The following CHAF1A variants were observed in gnomAD, a reference collection of about 807,000 sequenced individuals.
CHAF1A encodes chromatin assembly factor 1 subunit A, also known as CAF-1 subunit A.
In CHAF1A, 5 loss-of-function variants were observed where a neutral mutation model predicts 93.2. That is an observed-to-expected ratio of 0.05 (90% CI 0.03 to 0.11). CHAF1A has a LOEUF of 0.11. CHAF1A is among the 10% of genes least tolerant of loss of function. The pLI is 1.00. For synonymous variants in CHAF1A, 504 were observed against 510.3 expected (o/e 0.99, Z 0.17); for missense variants, 1,102 against 1,259.9 (o/e 0.87, Z 1.90).
In CHAF1A at chr19:4,409,374, G is replaced by A. The variant is rs769503119; in HGVS notation, c.575G>A (p.Gly192Asp). Residue 192 changes from glycine (G) to aspartate (D), a missense_variant, in exon 3 of 15, where the codon GGT becomes GAT. Gly to Asp is a moderately conservative substitution (Grantham distance 94). Coordinates refer to ENST00000301280, the MANE Select transcript of CHAF1A (RefSeq NM_005483.3). Reference sequence around the variant, plus strand: ...GAGGAGGAGGGTGTTGGCTGTGGAGGTGCAGGGAGGAGAGGCGACTCCCAG... The same window carrying A: ...GAGGAGGAGGGTGTTGGCTGTGGAGATGCAGGGAGGAGAGGCGACTCCCAG... ...KTEEEGVGCG[G>D]AGRRGDSQEC... 7 of 1,614,038 alleles carry A rather than the reference G, an allele frequency of 4.3e-6. No homozygotes were observed. Among genetic ancestry groups the A allele is most frequent in the Non-Finnish European group, 5.9e-6 (7 of 1,180,030 alleles).
chr19:4,443,347 C>CG lies in CHAF1A; in HGVS notation c.*325dup, dbSNP rs567465583. ...AGGACCACCCGCCTGGCCACGTGCG[C>CG]GGGCCCCTGGACCTAACGAGGCAGT... On this transcript the variant is annotated 3_prime_UTR_variant, in exon 15 of 15. Coordinates refer to ENST00000301280, the MANE Select transcript of CHAF1A (RefSeq NM_005483.3). 8.9e-4 allele frequency: 309 copies of CG among 349,048 alleles called. No homozygotes were observed. Among genetic ancestry groups the CG allele is most frequent in the African/African-American group, 6.3e-3 (294 of 46,974 alleles). The allele number at this position is 349,048 out of a possible 1,614,324, so 21.6% of individuals were successfully genotyped here.
chr19:4,449,611 C>G (rs1167030841), downstream of CHAF1A: 1 of 152,256 alleles, frequency 6.6e-6, no homozygotes, highest in African/African-American at 2.4e-5. Context: ...CGTGTCAGCT[C>G]CAAAAGCGGG....
At chr19:4,440,184 G>A (rs1157784757) in intron 13 of CHAF1A, among the ~76,000 whole-genome samples, 1 of 152,178 alleles carries the variant, frequency 6.6e-6, no homozygotes, top group Admixed American at 6.5e-5. Context: ...ACTGAAATAA[G>A]TGTGGCTGTC....
chr19:4,433,463 C>G lies in CHAF1A; in HGVS notation c.2597C>G (p.Pro866Arg), dbSNP rs573496948. ...TCCACGGGGCCCAGCCAGGGCACTC[C>G]CATCTCGCTGAAGAGGAAGTCAGCG... Reference protein sequence around the residue: ...VPSTGPSQGTPISLKRKSAGS... With the variant: ...VPSTGPSQGTRISLKRKSAGS... The change falls in exon 13 of 15, where the codon CCC becomes CGC. Residue 866 changes from proline to arginine, a missense_variant. Coordinates refer to ENST00000301280, the MANE Select transcript of CHAF1A (RefSeq NM_005483.3). This position sits in a 1 kb window ranked among gnomAD's most constrained non-coding sequence, Gnocchi z 5.6. 67 of 1,602,102 alleles carry G rather than the reference C, an allele frequency of 4.2e-5. 2 individuals are homozygous for G. In the South Asian group the frequency reaches 6.9e-4, roughly 17 times the overall value.
In CHAF1A at chr19:4,429,566, C is replaced by A. The variant is rs748820542; in HGVS notation, c.1733C>A (p.Thr578Lys). Residue 578 changes from threonine (T) to lysine (K), a missense_variant, in exon 9 of 15, where the codon ACG (threonine) becomes AAG (lysine). Transcript: ENST00000301280. The stretch of plus-strand genomic sequence containing the variant: ...TACTGGGGTACCTGGAATAAGAAGA[C>A]GGCACTCATCCGCGCGCGAGACCCC... ...PAYWGTWNKKTALIRARDPWA... is the reference protein window; with the variant it reads ...PAYWGTWNKKKALIRARDPWA... The A allele has an allele frequency of 1.9e-6, 3 of 1,614,044 alleles. No homozygotes were observed. The highest frequency in any genetic ancestry group is 2.2e-5 in the East Asian group (1 of 44,872).
At chr19:4,420,269 G>C (rs1973968038) in intron 4 of CHAF1A, among the ~76,000 whole-genome samples, 1 of 151,412 alleles carries the variant, frequency 6.6e-6, no homozygotes, top group Admixed American at 6.6e-5. Flanking sequence ...TTTTGAGACA[G>C]TCTCGCTCTG....
downstream of CHAF1A, chr19:4,448,242 G>C (rs945913861): frequency 2.2e-6 from 3 of 1,337,148 alleles, no homozygotes; most frequent in African/African-American, 1.4e-5. Flanking sequence ...GGGGCCAGAG[G>C]GGGTGACAGC....
intron 7 of CHAF1A, among the ~76,000 whole-genome samples, chr19:4,424,605 C>T (rs1332062938): frequency 2.6e-5 from 4 of 152,060 alleles, no homozygotes; most frequent in African/African-American, 9.7e-5. Context: ...GCTGGGACTA[C>T]AGGCATGTGC....
chr19:4,423,259 A>G, intron 5 of CHAF1A, 76 bp from the exon 6 acceptor site: 1 of 1,591,618 alleles, frequency 6.3e-7, no homozygotes, highest in Non-Finnish European at 8.5e-7. Context: ...CTTGCCATAT[A>G]CTAACAGTTG....
intron 7 of CHAF1A, among the ~76,000 whole-genome samples, chr19:4,425,454 A>G (rs1376942838): frequency 6.6e-6 from 1 of 151,968 alleles, no homozygotes; most frequent in Admixed American, 6.6e-5. Context: ...GGGTTTCACC[A>G]TATTGGCCAG....
downstream of CHAF1A, chr19:4,446,937 G>A: frequency 1.2e-6 from 2 of 1,612,682 alleles, no homozygotes; most frequent in Non-Finnish European, 1.7e-6. Context: ...GTGGAGATGG[G>A]CGTCACTGGG....
At chr19:4,417,457 C>CGGTT in intron 3 of CHAF1A, among the ~76,000 whole-genome samples, 4 of 103,102 alleles carry the variant, frequency 3.9e-5, no homozygotes, top group South Asian at 8.1e-4. Flanking sequence ...CCAGCTGTCG[C>CGGTT]TTTTTTTTTT....
At chr19:4,448,503 A>C (rs540937353), downstream of CHAF1A, 5 of 1,105,514 alleles carry the variant, frequency 4.5e-6, no homozygotes, top group Admixed American at 2.0e-5. Flanking sequence ...CAGGAAAAGG[A>C]AGGCAGAACA....
downstream of CHAF1A, chr19:4,447,471 G>C: frequency 2.7e-6 from 4 of 1,506,682 alleles, no homozygotes; most frequent in Non-Finnish European, 2.8e-6. Flanking sequence ...CCACCGCCTG[G>C]TGTGGGCCAC....
chr19:4,429,255 C>G (rs1293181288), intron 8 of CHAF1A, 183 bp from the exon 9 acceptor site: 1 of 695,928 alleles, frequency 1.4e-6, no homozygotes, highest in Non-Finnish European at 2.4e-6. Flanking sequence ...GCAGGCTGCA[C>G]CCTCCTCCAT....
chr19:4,449,771 CAA>C (rs1335055169), downstream of CHAF1A: 3 of 152,090 alleles, frequency 2.0e-5, no homozygotes, highest in African/African-American at 7.2e-5. Context: ...CAGCTGTAAG[CAA>C]AAGACAGGTG....
At chr19:4,410,431 A>G (rs1338497406) in intron 3 of CHAF1A, among the ~76,000 whole-genome samples, 8 of 144,960 alleles carry the variant, frequency 5.5e-5, no homozygotes, top group African/African-American at 2.1e-4. Flanking sequence ...CCCAGGCTGG[A>G]GTTCAGTGGC....
intron 3 of CHAF1A, 53 bp downstream of exon 3, chr19:4,409,812 G>T: frequency 6.5e-7 from 1 of 1,540,200 alleles, no homozygotes. Flanking sequence ...ATCTCAGAGC[G>T]CTGTCAGTCT....
chr19:4,411,642 A>ATTTTTTTTTTTTTTTT lies in CHAF1A; in HGVS notation c.960+1884_960+1885insTTTTTTTTTTTTTTTT, dbSNP rs1202069647. On this transcript the variant is annotated intron_variant, in intron 3 of 14. Transcript: ENST00000301280. ...ATGAAATGTTGTAAAAATGGTGCAAATCTTTTTTTTTTTTTTTTTTTTTGA... is the reference window on the plus strand; with the variant it reads ...ATGAAATGTTGTAAAAATGGTGCAAATTTTTTTTTTTTTTTTTCTTTTTTTTTTTTTTTTTTTTTGA... Among the ~76,000 whole-genome samples, 68 of 38,020 alleles carry ATTTTTTTTTTTTTTTT rather than the reference A, an allele frequency of 1.8e-3. 1 individual carries two copies. The highest frequency in any genetic ancestry group is 3.7e-3 in the African/African-American group (39 of 10,632). The allele number at this position is 38,020 out of a possible 152,430, so 24.9% of individuals were successfully genotyped here.
Sources: gnomAD v4.1 joint callset for allele counts (sites outside exome capture counted in the v4.1 genomes callset) on GRCh38, gnomAD v4.1.1 for gene constraint, Gnocchi (gnomAD v3.1) non-coding constraint, MANE v1.5 for transcripts, NCBI Gene and HGNC (gene_info 2026-07-23, HGNC 2026-07-21) for gene names.